NF1: variants seen among roughly 807,000 people sequenced by gnomAD.
NF1 encodes the protein neurofibromin 1.
A neutral mutation model predicts 325.7 loss-of-function variants in NF1; 122 were observed. The ratio of observed to expected loss-of-function variants is 0.37; its 90% CI spans 0.32 to 0.44. The LOEUF is 0.44. NF1 is among the 20% of genes least tolerant of loss of function. The probability of loss-of-function intolerance (pLI) is 1.00; values close to 1 mark genes in which losing one functional copy is unlikely to be tolerated. For missense variants in NF1, 2,140 were observed against 3,415.4 expected, an observed-to-expected ratio of 0.63 and a Z score of 9.31; for synonymous variants, 1,091 against 1,186.0, an observed-to-expected ratio of 0.92 and a Z score of 1.65.
chr17:31,352,137 C>A, intron 50 of NF1, 120 bp from the exon 51 acceptor site: 1 of 917,482 alleles, frequency 1.1e-6, no homozygotes, highest in Non-Finnish European at 1.7e-6. Context: ...CTTTAAAGTG[C>A]AATTTTAAAA....
chr17:31,367,210 C>A, intron 57 of NF1: 1 of 1,298,620 alleles, frequency 7.7e-7, no homozygotes. Flanking sequence ...TTTTTTTCTT[C>A]CATTCTTTGT....
intron 5 of NF1, 123 bp from the exon 6 acceptor site, chr17:31,181,299 C>T (rs889336713): frequency 1.9e-5 from 17 of 909,072 alleles, no homozygotes; most frequent in Middle Eastern, 3.4e-4. Flanking sequence ...GTGTCTTTAC[C>T]TTTCATTGCT....
chr17:31,126,121 G>C (rs1914865590), intron 1 of NF1, among the ~76,000 whole-genome samples: 1 of 152,054 alleles, frequency 6.6e-6, no homozygotes, highest in Non-Finnish European at 1.5e-5. Context: ...CTGGGAGGCG[G>C]AGGTTGCAGT....
intron 8 of NF1, among the ~76,000 whole-genome samples, chr17:31,199,329 C>A (rs2066486840): frequency 6.6e-6 from 1 of 151,938 alleles, no homozygotes; most frequent in African/African-American, 2.4e-5. Context: ...GTGATTTTTT[C>A]CTTTGATCTA....
intron 49 of NF1, among the ~76,000 whole-genome samples, chr17:31,349,800 T>C (rs998740898): frequency 6.6e-5 from 10 of 152,226 alleles, no homozygotes; most frequent in East Asian, 3.8e-4. Flanking sequence ...TTAGCACTTA[T>C]GTACAATACA....
rs876658562 is a variant in NF1 at position 31,327,559 on chromosome 17, G to A, written c.5329G>A (p.Val1777Ile). The A allele has an allele frequency of 1.2e-6, 2 of 1,614,188 alleles. No homozygotes were observed. The highest frequency in any genetic ancestry group is 2.2e-5 in the South Asian group (2 of 91,086). ...AERTKVLGQS[V>I]FLNDIYYASE... is the part of the protein sequence containing the mutation. ...GCGAACAAAAGTCCTAGGGCAATCA[G>A]TCTTTCTAAATGACATTTATTATGC... Residue 1777 changes from valine to isoleucine, a missense_variant, in exon 38 of 58, where the codon GTC becomes ATC. Physicochemically the swap from Val to Ile is conservative, Grantham distance 29. Transcript: ENST00000358273.
chr17:31,356,693 C>A, intron 52 of NF1, 111 bp downstream of exon 52: 1 of 1,458,594 alleles, frequency 6.9e-7, no homozygotes. Context: ...AATATAGAAA[C>A]GTTTGCCATT....
At chr17:31,149,544 A>G (rs1207020379) in intron 1 of NF1, among the ~76,000 whole-genome samples, 2 of 152,108 alleles carry the variant, frequency 1.3e-5, no homozygotes, top group South Asian at 2.1e-4. Context: ...GCCTCAGCAT[A>G]TATTTTTGTA....
chr17:31,279,209 C>T (rs750215714), intron 36 of NF1, among the ~76,000 whole-genome samples: 3 of 152,118 alleles, frequency 2.0e-5, no homozygotes, highest in Non-Finnish European at 4.4e-5. Context: ...TTCCCACCAC[C>T]GCACTTCAGC....
intron 36 of NF1, among the ~76,000 whole-genome samples, chr17:31,300,815 T>C (rs2068558009): frequency 1.3e-5 from 2 of 152,124 alleles, no homozygotes; most frequent in South Asian, 2.1e-4. Context: ...TATACTTTGT[T>C]GTTGAACTTT....
At chr17:31,145,918 A>G (rs772857959) in intron 1 of NF1, among the ~76,000 whole-genome samples, 3 of 152,330 alleles carry the variant, frequency 2.0e-5, no homozygotes, top group Middle Eastern at 3.4e-3. Context: ...TGAAGTGCCT[A>G]CAAGTTATCC....
intron 29 of NF1, among the ~76,000 whole-genome samples, chr17:31,248,126 C>T (rs907880738): frequency 6.6e-5 from 10 of 151,768 alleles, no homozygotes; most frequent in East Asian, 1.9e-4. Context: ...CACTTGAACC[C>T]GGGAGGCGGA....
At chr17:31,255,294 C>T (rs1298027669) in intron 31 of NF1, among the ~76,000 whole-genome samples, 1 of 151,860 alleles carries the variant, frequency 6.6e-6, no homozygotes, top group Non-Finnish European at 1.5e-5. Context: ...CACAGACTGG[C>T]CCAAGTTTGA....
intron 57 of NF1, among the ~76,000 whole-genome samples, chr17:31,370,886 A>C (rs1567633124): frequency 6.6e-6 from 1 of 152,156 alleles, no homozygotes; most frequent in Non-Finnish European, 1.5e-5. Context: ...GTTTTGCCTG[A>C]ATCTTATTTT....
chr17:31,148,061 C>T (rs1400109421), intron 1 of NF1, among the ~76,000 whole-genome samples: 1 of 152,178 alleles, frequency 6.6e-6, no homozygotes, highest in East Asian at 1.9e-4. Flanking sequence ...ATAGCTCACT[C>T]TTTTTGGAAT....
At position 31,229,473 on chromosome 17, in the gene NF1, G is replaced by A. The variant is rs780608020; in HGVS notation, c.2850+8G>A. On this transcript the variant is annotated splice_region_variant and intron_variant, in intron 21 of 57. Coordinates refer to ENST00000358273, the MANE Select transcript of NF1 (RefSeq NM_001042492.3). ...TTTGACTCCCAAGGACAGGTAAAGT[G>A]TTCTCTTATTTTTCACCTTTCTCTA... 2 of 1,612,406 alleles carry A rather than the reference G, an allele frequency of 1.2e-6. No individual in the cohort carries two copies. The highest frequency in any genetic ancestry group is 1.3e-5 in the African/African-American group (1 of 74,978).
rs191248625 is a variant in NF1 at position 31,244,788 on chromosome 17, C to T, written c.3975-4196C>T. ...AAGACCAGGTATTGTGATCACTTAC[C>T]TGATTTTCAGTTCTTATGAAGGTGC... On this transcript the variant is annotated intron_variant, in intron 29 of 57. Coordinates refer to ENST00000358273, the MANE Select transcript of NF1 (RefSeq NM_001042492.3). Among the ~76,000 whole-genome samples the T allele has an allele frequency of 2.0e-5, 3 of 152,208 alleles. No individual in the cohort carries two copies. The East Asian group carries it at 5.8e-4, about 29-fold the overall frequency.
intron 12 of NF1, among the ~76,000 whole-genome samples, chr17:31,211,340 A>G (rs908897697): frequency 5.9e-5 from 9 of 152,226 alleles, no homozygotes; most frequent in Admixed American, 5.2e-4. Flanking sequence ...CTAAAATTAA[A>G]AGGTATTTGA....
intron 1 of NF1, among the ~76,000 whole-genome samples, chr17:31,120,931 T>G (rs1914371036): frequency 6.6e-6 from 1 of 152,190 alleles, no homozygotes; most frequent in African/African-American, 2.4e-5. Context: ...GCCCAAAAAT[T>G]CTTTCAGAAA....
Sources: gnomAD v4.1 joint callset for allele counts (sites outside exome capture counted in the v4.1 genomes callset) on GRCh38, gnomAD v4.1.1 for gene constraint, MANE v1.5 for transcripts, NCBI Gene and HGNC (gene_info 2026-07-23, HGNC 2026-07-21) for gene names.